The following TMTC1 variants were observed in gnomAD, a reference collection of about 807,000 sequenced individuals.
TMTC1 encodes transmembrane O-mannosyltransferase targeting cadherins 1, also known as protein O-mannosyl-transferase TMTC1.
In TMTC1, 73 loss-of-function variants were observed where a neutral mutation model predicts 104.8. The observed-to-expected ratio is 0.70, with a 90% confidence interval of 0.58 to 0.85. The LOEUF is 0.85. Ranked by LOEUF, TMTC1 falls within the 40% of genes least tolerant of loss-of-function variation. The pLI is 0.00. For synonymous variants in TMTC1, 434 were observed against 428.7 expected (o/e 1.01, Z -0.15); for missense variants, 1,035 against 1,096.1 (o/e 0.94, Z 0.79).
intron 1 of TMTC1, among the ~76,000 whole-genome samples, chr12:29,778,765 C>T (rs531609211): frequency 6.6e-6 from 1 of 152,282 alleles, no homozygotes; most frequent in Non-Finnish European, 1.5e-5. Context: ...ACTAGAAAAC[C>T]AGAGCCACCA....
At position 29,506,788 on chromosome 12, in the gene TMTC1, C is replaced by T. The variant is rs1943702791; in HGVS notation, c.*58G>A. On this transcript the variant is annotated 3_prime_UTR_variant, in exon 18 of 18. Coordinates refer to ENST00000539277, the MANE Select transcript of TMTC1 (RefSeq NM_001193451.2). ...CCTGCTGATGTGAAAGCAAGGCTTC[C>T]ATCACTCCCCTTTCAGAGGCACCAC... The T allele has an allele frequency of 1.3e-6, 2 of 1,599,894 alleles. No homozygotes were observed. Among genetic ancestry groups the T allele is most frequent in the East Asian group, 4.5e-5 (2 of 44,770 alleles).
intron 5 of TMTC1, among the ~76,000 whole-genome samples, chr12:29,689,684 T>C (rs1366911703): frequency 6.6e-6 from 1 of 152,210 alleles, no homozygotes; most frequent in Non-Finnish European, 1.5e-5. Flanking sequence ...AAATTAATTA[T>C]GTGAGTCTAG....
At chr12:29,601,524 A>C in intron 7 of TMTC1, among the ~76,000 whole-genome samples, 1 of 152,194 alleles carries the variant, frequency 6.6e-6, no homozygotes, top group African/African-American at 2.4e-5. Flanking sequence ...TTGAGCCGAA[A>C]GTCCATTACT....
At chr12:29,536,125 A>C (rs1310719968) in intron 11 of TMTC1, 84 bp downstream of exon 11, 1 of 933,844 alleles carries the variant, frequency 1.1e-6, no homozygotes, top group Non-Finnish European at 1.7e-6. Context: ...TTTACAAATT[A>C]AATCATTAGT....
Position 29,504,833 on chromosome 12 carries a change from C to G in TMTC1, c.*2013G>C, listed in dbSNP as rs1943664313. ...AATTTTTAAGCATGAGTTTTCATTACAGATTATTCTGAAAAGTTGTAATAA... is the reference window on the plus strand; with the variant it reads ...AATTTTTAAGCATGAGTTTTCATTAGAGATTATTCTGAAAAGTTGTAATAA... On this transcript the variant is annotated 3_prime_UTR_variant, in exon 18 of 18. Transcript: ENST00000539277. 1 of 152,166 alleles carries G rather than the reference C, an allele frequency of 6.6e-6. No homozygotes were observed. The allele number at this position is 152,166 out of a possible 1,614,324, so 9.4% of individuals were successfully genotyped here.
At chr12:29,750,769 C>G (rs1201905048) in intron 5 of TMTC1, among the ~76,000 whole-genome samples, 1 of 152,218 alleles carries the variant, frequency 6.6e-6, no homozygotes, top group East Asian at 1.9e-4. Context: ...TGCATCCCTA[C>G]ATCAGCAGAG....
intron 10 of TMTC1, among the ~76,000 whole-genome samples, chr12:29,550,489 G>A (rs1208956857): frequency 6.6e-6 from 1 of 152,078 alleles, no homozygotes; most frequent in East Asian, 1.9e-4. Context: ...GAGGTGGCAG[G>A]TCATAATCAT....
intron 5 of TMTC1, among the ~76,000 whole-genome samples, chr12:29,664,637 G>A (rs1940202790): frequency 6.6e-6 from 1 of 152,182 alleles, no homozygotes; most frequent in Admixed American, 6.5e-5. Flanking sequence ...TGATTTGAGT[G>A]TAGTAACTTA....
chr12:29,705,499 G>C (rs973865984), intron 5 of TMTC1, among the ~76,000 whole-genome samples: 1 of 152,144 alleles, frequency 6.6e-6, no homozygotes, highest in Non-Finnish European at 1.5e-5. Flanking sequence ...TCAGTCACTG[G>C]AGACGCATCA....
chr12:29,662,593 T>C (rs567977726), intron 5 of TMTC1, among the ~76,000 whole-genome samples: 21 of 142,246 alleles, frequency 1.5e-4, no homozygotes, highest in African/African-American at 5.6e-4. Context: ...GAGGTTGCAG[T>C]GAGCCGAGAT....
chr12:29,669,366 T>C (rs1940414933), intron 5 of TMTC1, among the ~76,000 whole-genome samples: 1 of 152,170 alleles, frequency 6.6e-6, no homozygotes, highest in Admixed American at 6.5e-5. Context: ...CTGATGGCAA[T>C]GGACAGTCAG....
intron 14 of TMTC1, 124 bp from the exon 15 acceptor site, chr12:29,516,610 A>C: frequency 6.5e-5 from 77 of 1,175,924 alleles, no homozygotes; most frequent in Non-Finnish European, 8.0e-5. Context: ...TTAGTGACTC[A>C]TAGAGAAGGC....
chr12:29,767,798 A>C, intron 2 of TMTC1, 100 bp downstream of exon 2: 1 of 1,116,790 alleles, frequency 9.0e-7, no homozygotes, highest in Non-Finnish European at 1.3e-6. Context: ...CTACATATAC[A>C]CACATATTTA....
chr12:29,768,270 C>T (rs1200726595), intron 1 of TMTC1, among the ~76,000 whole-genome samples, 195 bp from the exon 2 acceptor site: 1 of 152,144 alleles, frequency 6.6e-6, no homozygotes, highest in Non-Finnish European at 1.5e-5. Flanking sequence ...GTCCCATGTG[C>T]AGAAATCCAT....
rs183944072 is a variant in TMTC1 at position 29,600,797 on chromosome 12, G to A, written c.1250+3381C>T. On this transcript the variant is annotated intron_variant, in intron 7 of 17. Transcript: ENST00000539277. Reference sequence around the variant, plus strand: ...TCTGCTGAGATGGCATCTCCGGAGGGGGAAAGTAGCCTGGCTGGGATGGTG... The same window carrying A: ...TCTGCTGAGATGGCATCTCCGGAGGAGGAAAGTAGCCTGGCTGGGATGGTG... 1.3e-3 allele frequency among the ~76,000 whole-genome samples: 201 copies of A among 152,310 alleles called. 1 individual carries two copies. The highest frequency in any genetic ancestry group is 6.8e-3 in the Middle Eastern group (2 of 294).
intron 10 of TMTC1, among the ~76,000 whole-genome samples, chr12:29,545,629 TCACACACACACACACACACA>T (rs55958433): frequency 9.5e-5 from 7 of 73,526 alleles, no homozygotes; most frequent in Non-Finnish European, 1.6e-4. Context: ...CAAGACTCTG[TCACACACACACACACACACA>T]CACACACACA....
intron 5 of TMTC1, among the ~76,000 whole-genome samples, chr12:29,731,163 A>T (rs1276132185): frequency 6.6e-6 from 1 of 152,188 alleles, no homozygotes; most frequent in African/African-American, 2.4e-5. Flanking sequence ...AAAGTCTAGC[A>T]AAGTGGATTT....
At chr12:29,582,734 G>T (rs916401901) in intron 8 of TMTC1, among the ~76,000 whole-genome samples, 1 of 152,060 alleles carries the variant, frequency 6.6e-6, no homozygotes, top group Non-Finnish European at 1.5e-5. Context: ...AGGAAACCAA[G>T]AAAAAAATCA....
chr12:29,528,196 A>G (rs1944402429), intron 11 of TMTC1, among the ~76,000 whole-genome samples: 1 of 152,176 alleles, frequency 6.6e-6, no homozygotes, highest in Non-Finnish European at 1.5e-5. Context: ...TTTTCATTTA[A>G]TTCAACTGGC....
Sources: allele counts gnomAD v4.1 joint callset (sites outside exome capture counted in the v4.1 genomes callset), GRCh38; gene constraint gnomAD v4.1.1; transcripts MANE v1.5; gene names NCBI Gene and HGNC (gene_info 2026-07-23, HGNC 2026-07-21).